Variants in PLCB4 observed in about 807,000 individuals in gnomAD.
PLCB4 encodes the protein 1-phosphatidylinositol 4,5-bisphosphate phosphodiesterase beta-4.
A neutral mutation model predicts 178.8 loss-of-function variants in PLCB4; 77 were observed. The ratio of observed to expected loss-of-function variants is 0.43; its 90% CI spans 0.36 to 0.52. The LOEUF is 0.52. Among genes scored for constraint, PLCB4 ranks in the 20% least tolerant of loss-of-function variants. PLCB4 has a pLI of 0.00. For synonymous variants in PLCB4, 496 were observed against 490.8 expected (o/e 1.01, Z -0.14); for missense variants, 1,024 against 1,453.4 (o/e 0.70, Z 4.80).
At chr20:9,323,732 G>A (rs561661490) in intron 4 of PLCB4, among the ~76,000 whole-genome samples, 3 of 152,264 alleles carry the variant, frequency 2.0e-5, no homozygotes, top group African/African-American at 7.2e-5. Context: ...TGCTGCAGGG[G>A]CTTCAGCACC....
Position 9,309,111 on chromosome 20 carries a change from C to G in PLCB4, c.84+1213C>G, listed in dbSNP as rs188714088. On this transcript the variant is annotated intron_variant, in intron 4 of 39. Transcript: ENST00000378473. ...TGTGTTTAAAATGCTTCCATCACTT[C>G]CCATTGTAGCGTAAAGGGAAGTTCA... 4.3e-4 allele frequency among the ~76,000 whole-genome samples: 66 copies of G among 152,240 alleles called. No individual in the cohort carries two copies. In the East Asian group the frequency reaches 0.012, roughly 28 times the overall value.
intron 3 of PLCB4, among the ~76,000 whole-genome samples, chr20:9,251,173 T>C (rs2094176242): frequency 6.6e-6 from 1 of 152,198 alleles, no homozygotes; most frequent in Non-Finnish European, 1.5e-5. Context: ...TGGGCAAAGG[T>C]TGGCTTTGCC....
At chr20:9,325,716 C>T (rs2030403285) in intron 4 of PLCB4, among the ~76,000 whole-genome samples, 3 of 152,168 alleles carry the variant, frequency 2.0e-5, no homozygotes, top group Non-Finnish European at 2.9e-5. Context: ...TAAAGTCAAT[C>T]GTTAGAAACA....
chr20:9,229,923 A>C (rs970211563), intron 3 of PLCB4, among the ~76,000 whole-genome samples: 4 of 152,126 alleles, frequency 2.6e-5, no homozygotes, highest in Non-Finnish European at 5.9e-5. Context: ...ATCAGGGAAA[A>C]AAGCTGGGAA....
chr20:9,304,310 C>T (rs2147851162), intron 3 of PLCB4, among the ~76,000 whole-genome samples: 2 of 151,568 alleles, frequency 1.3e-5, no homozygotes, highest in East Asian at 1.9e-4. Flanking sequence ...TATATGTTTC[C>T]TTGTTGTTGT....
At chr20:9,236,682 A>C (rs1273512286) in intron 3 of PLCB4, among the ~76,000 whole-genome samples, 3 of 152,172 alleles carry the variant, frequency 2.0e-5, no homozygotes, top group Non-Finnish European at 4.4e-5. Context: ...TCCTGGACTC[A>C]TTTTGGATTG....
At chr20:9,420,853 A>C (rs1432635597) in intron 26 of PLCB4, among the ~76,000 whole-genome samples, 61 of 152,316 alleles carry the variant, frequency 4.0e-4, no homozygotes, top group East Asian at 7.7e-4. Flanking sequence ...AATGACAGAC[A>C]AATTCTAGCT....
chr20:9,473,861 T>C (rs2044357337), intron 38 of PLCB4, among the ~76,000 whole-genome samples: 1 of 152,198 alleles, frequency 6.6e-6, no homozygotes, highest in South Asian at 2.1e-4. Context: ...CATGAGTGGA[T>C]ACCATAGTCT....
intron 2 of PLCB4, among the ~76,000 whole-genome samples, chr20:9,148,046 A>G (rs1333100854): frequency 6.6e-6 from 1 of 152,134 alleles, no homozygotes; most frequent in Non-Finnish European, 1.5e-5. Flanking sequence ...AGGAAGAGAG[A>G]GTTCATCTGG....
intron 2 of PLCB4, among the ~76,000 whole-genome samples, chr20:9,107,298 C>T (rs138056660): frequency 8.1e-4 from 123 of 152,286 alleles, no homozygotes; most frequent in African/African-American, 2.6e-3. Flanking sequence ...CAGCTTGCAG[C>T]TTAAATTCTA....
At chr20:9,119,410 C>T (rs2091886973) in intron 2 of PLCB4, among the ~76,000 whole-genome samples, 1 of 150,322 alleles carries the variant, frequency 6.7e-6, no homozygotes, top group South Asian at 2.1e-4. Context: ...TTGTAAAGGT[C>T]AAAAGAAAGT....
chr20:9,264,815 G>A (rs2094333049), intron 3 of PLCB4, among the ~76,000 whole-genome samples: 2 of 152,120 alleles, frequency 1.3e-5, no homozygotes, highest in Admixed American at 6.5e-5. Flanking sequence ...ATTGCTCTGG[G>A]TGCAGCCTGG....
chr20:9,271,158 G>A (rs3920495), intron 3 of PLCB4, among the ~76,000 whole-genome samples: 1 of 152,038 alleles, frequency 6.6e-6, no homozygotes, highest in Non-Finnish European at 1.5e-5. Context: ...ACCCCTGCCT[G>A]TTTTCTGAAG....
chr20:9,253,311 A>T (rs899627206), intron 3 of PLCB4, among the ~76,000 whole-genome samples: 2 of 152,114 alleles, frequency 1.3e-5, no homozygotes, highest in African/African-American at 4.8e-5. Context: ...GTCTTTGTCC[A>T]TTCACTCACT....
At chr20:9,352,945 A>G (rs980656673) in intron 7 of PLCB4, among the ~76,000 whole-genome samples, 7 of 152,190 alleles carry the variant, frequency 4.6e-5, no homozygotes, top group African/African-American at 1.2e-4. Flanking sequence ...GACACTTAAT[A>G]TATTTCTTCT....
intron 34 of PLCB4, 43 bp from the exon 35 acceptor site, chr20:9,459,592 C>T (rs1314718245): frequency 2.0e-6 from 3 of 1,483,372 alleles, no homozygotes; most frequent in Non-Finnish European, 2.8e-6. Flanking sequence ...TCATACCTGA[C>T]CTATGAGGAT....
At chr20:9,439,877 A>G (rs761981253) in intron 30 of PLCB4, among the ~76,000 whole-genome samples, 1 of 152,262 alleles carries the variant, frequency 6.6e-6, no homozygotes, top group Non-Finnish European at 1.5e-5. Context: ...TGTAACAAGC[A>G]ATCACAAAAG....
In PLCB4 at chr20:9,307,791, C is replaced by T; in HGVS notation, c.-15-9C>T. 1 of 1,393,638 alleles carries T rather than the reference C, an allele frequency of 7.2e-7. No homozygotes were observed. The highest frequency in any genetic ancestry group is 1.4e-5 in the African/African-American group (1 of 70,074). 86.3% of individuals were successfully genotyped at this position (1,393,638 alleles called of 1,614,324 possible). A position where few individuals can be genotyped will look rare whatever the true frequency, so the allele number is the denominator to read the frequency against. On this transcript the variant is annotated splice_polypyrimidine_tract_variant and intron_variant, in intron 3 of 39. Coordinates refer to ENST00000378473, the MANE Select transcript of PLCB4 (RefSeq NM_001377142.1). ...TATATACTAACGAGCTATTCTTTTT[C>T]ATTTTTAGGTCTTGAATATAATCAT...
intron 2 of PLCB4, among the ~76,000 whole-genome samples, chr20:9,118,681 A>G (rs1362356598): frequency 6.6e-6 from 1 of 152,172 alleles, no homozygotes; most frequent in Non-Finnish European, 1.5e-5. Context: ...TGCCTGAGAC[A>G]CAGGGAAAAA....
Sources: allele counts gnomAD v4.1 joint callset (sites outside exome capture counted in the v4.1 genomes callset), GRCh38; gene constraint gnomAD v4.1.1; transcripts MANE v1.5; gene names NCBI Gene and HGNC (gene_info 2026-07-23, HGNC 2026-07-21).